Variants in EXOC6 observed in about 807,000 individuals in gnomAD.
EXOC6 encodes exocyst complex component 6.
Under a neutral mutation model 112.5 loss-of-function variants are expected in EXOC6, and 60 were observed. The observed-to-expected ratio is 0.53, with a 90% CI of 0.43 to 0.66. The LOEUF (loss-of-function observed/expected upper bound fraction) is 0.66, where lower values mean the gene tolerates loss of function less well. Ranked by LOEUF, EXOC6 falls within the 30% of genes least tolerant of loss-of-function variation. The pLI is 0.00. For synonymous variants in EXOC6, 295 were observed against 308.0 expected, an observed-to-expected ratio of 0.96 and a Z score of 0.44; for missense variants, 855 against 957.1, an observed-to-expected ratio of 0.89 and a Z score of 1.41.
rs187563047 is a variant in EXOC6 at position 92,983,288 on chromosome 10, C to T, written c.1953+9056C>T. Among the ~76,000 whole-genome samples the T allele has an allele frequency of 3.6e-3, 543 of 152,274 alleles. 2 individuals are homozygous for T. The highest frequency in any genetic ancestry group is 0.014 in the Middle Eastern group (4 of 294). On this transcript the variant is annotated intron_variant, in intron 18 of 21. Coordinates refer to ENST00000260762, the MANE Select transcript of EXOC6 (RefSeq NM_019053.6). ...GTTTGGAATGGAAAATAGACCCTCT[C>T]CTTTCCCTTTCCCCATTTCCACTCC...
chr10:92,848,630 C>T lies in EXOC6; in HGVS notation c.97C>T (p.Leu33Phe), dbSNP rs1847160686. The change falls in exon 1 of 22, where the codon CTC becomes TTC. Residue 33 changes from leucine (L) to phenylalanine (F), a missense_variant. Physicochemically the swap from Leu to Phe is conservative, Grantham distance 22. Around this residue, in one of 2 missense-constraint regions of EXOC6, gnomAD observed 405 missense variants for 393.6 expected, o/e 1.03. Coordinates refer to ENST00000260762, the MANE Select transcript of EXOC6 (RefSeq NM_019053.6). ...CGACACCGCCTGTGTGGGGCCCACC[C>T]TCCGGTAAAGATCTCATCCCACCGG... ...STDTACVGPT[L>F]RSVYDDQPNA... 1 of 1,423,014 alleles carries T rather than the reference C, an allele frequency of 7.0e-7. No individual in the cohort carries two copies. Among genetic ancestry groups the T allele is most frequent in the Non-Finnish European group, 9.3e-7 (1 of 1,069,794 alleles). The allele number at this position is 1,423,014 out of a possible 1,614,324, so 88.1% of individuals were successfully genotyped here.
intron 6 of EXOC6, among the ~76,000 whole-genome samples, chr10:92,913,126 TC>T (rs1293359215): frequency 6.6e-6 from 1 of 152,158 alleles, no homozygotes; most frequent in Non-Finnish European, 1.5e-5. Context: ...CATCTTTTAT[TC>T]CATAGCAATA....
chr10:93,025,940 C>T (rs985966084), intron 20 of EXOC6, among the ~76,000 whole-genome samples: 3 of 152,182 alleles, frequency 2.0e-5, no homozygotes, highest in African/African-American at 7.2e-5. Flanking sequence ...ACTATCATGA[C>T]TTTTAACACC....
At chr10:93,001,625 T>C (rs907648543) in intron 19 of EXOC6, among the ~76,000 whole-genome samples, 7 of 152,210 alleles carry the variant, frequency 4.6e-5, no homozygotes, top group African/African-American at 1.7e-4. Flanking sequence ...CCATCTGGAC[T>C]TGGCCCCTAC....
intron 1 of EXOC6, among the ~76,000 whole-genome samples, chr10:92,891,698 T>A (rs1475879135): frequency 6.6e-6 from 1 of 152,140 alleles, no homozygotes; most frequent in Non-Finnish European, 1.5e-5. Context: ...GCCAGGCTAG[T>A]CTCAAACTCC....
intron 4 of EXOC6, among the ~76,000 whole-genome samples, chr10:92,897,253 C>T (rs1466640453): frequency 1.3e-5 from 2 of 152,194 alleles, no homozygotes; most frequent in Non-Finnish European, 2.9e-5. Flanking sequence ...GTTTTTAAGG[C>T]TAGGCCGCAA....
At chr10:93,000,716 A>G (rs1229430055) in intron 19 of EXOC6, among the ~76,000 whole-genome samples, 3 of 152,186 alleles carry the variant, frequency 2.0e-5, no homozygotes, top group African/African-American at 7.2e-5. Context: ...GAATACAGTA[A>G]CATGCATTTA....
intron 13 of EXOC6, among the ~76,000 whole-genome samples, chr10:92,947,627 A>G (rs1427510600): frequency 6.6e-6 from 1 of 152,218 alleles, no homozygotes; most frequent in Non-Finnish European, 1.5e-5. Flanking sequence ...TTATGACAGG[A>G]GGCTGGGCAC....
At chr10:92,922,165 C>T (rs1851481616) in intron 8 of EXOC6, among the ~76,000 whole-genome samples, 2 of 152,032 alleles carry the variant, frequency 1.3e-5, no homozygotes, top group South Asian at 2.1e-4. Context: ...AGCCTGGTCT[C>T]GAACTCCTGA....
chr10:93,048,921 T>C (rs1257695491), intron 20 of EXOC6, among the ~76,000 whole-genome samples: 1 of 152,182 alleles, frequency 6.6e-6, no homozygotes, highest in African/African-American at 2.4e-5. Context: ...CATAAGGTGC[T>C]AATGTTCTTA....
chr10:93,021,910 GT>G (rs1844812564), intron 20 of EXOC6, among the ~76,000 whole-genome samples: 1 of 152,150 alleles, frequency 6.6e-6, no homozygotes, highest in Admixed American at 6.6e-5. Context: ...ATGTTAACTA[GT>G]TTATAATCTC....
chr10:92,935,942 A>G, intron 12 of EXOC6, 57 bp downstream of exon 12: 3 of 1,097,458 alleles, frequency 2.7e-6, no homozygotes, highest in South Asian at 1.3e-5. Context: ...CATACAAAAT[A>G]TAGGCTATAC....
intron 18 of EXOC6, among the ~76,000 whole-genome samples, chr10:92,991,974 G>A (rs1843282576): frequency 6.6e-6 from 1 of 152,060 alleles, no homozygotes; most frequent in African/African-American, 2.4e-5. Flanking sequence ...GTGTAAAGAG[G>A]TATTTGGGGG....
chr10:92,848,940 G>T (rs1025897763), intron 1 of EXOC6, among the ~76,000 whole-genome samples: 4 of 152,142 alleles, frequency 2.6e-5, no homozygotes, highest in African/African-American at 9.7e-5. Flanking sequence ...TTCTCCTCCT[G>T]GCTGCGGCCC....
intron 1 of EXOC6, among the ~76,000 whole-genome samples, chr10:92,857,797 G>A (rs1847677243): frequency 6.6e-6 from 1 of 152,076 alleles, no homozygotes; most frequent in Admixed American, 6.5e-5. Context: ...GTGTCTGTGT[G>A]TGTCTGGTCT....
At chr10:92,909,695 G>T in intron 6 of EXOC6, 64 bp downstream of exon 6, 7 of 966,118 alleles carry the variant, frequency 7.2e-6, no homozygotes, top group Non-Finnish European at 9.1e-6. Context: ...AAATATCCAA[G>T]GTTTACTTCT....
At position 92,991,088 on chromosome 10, in the gene EXOC6, A is replaced by G. The variant is rs188415774; in HGVS notation, c.1954-6386A>G. On this transcript the variant is annotated intron_variant, in intron 18 of 21. Coordinates refer to ENST00000260762, the MANE Select transcript of EXOC6 (RefSeq NM_019053.6). Reference sequence around the variant, plus strand: ...TTTACTAATTAATGATTATATGTAAACCACTTCTGTTGTCTAAACCATTAG... The same window carrying G: ...TTTACTAATTAATGATTATATGTAAGCCACTTCTGTTGTCTAAACCATTAG... 3.8e-3 allele frequency among the ~76,000 whole-genome samples: 578 copies of G among 150,794 alleles called. 20 individuals are homozygous for G. Among genetic ancestry groups the G allele is most frequent in the Non-Finnish European group, 6.8e-4 (46 of 67,828 alleles).
chr10:93,049,915 G>A (rs1377617390), intron 20 of EXOC6, among the ~76,000 whole-genome samples: 1 of 152,150 alleles, frequency 6.6e-6, no homozygotes, highest in Non-Finnish European at 1.5e-5. Context: ...GATTGCTAAT[G>A]GCTATGGGGT....
intron 18 of EXOC6, among the ~76,000 whole-genome samples, chr10:92,974,809 C>A (rs1842443968): frequency 6.6e-6 from 1 of 152,188 alleles, no homozygotes; most frequent in South Asian, 2.1e-4. Flanking sequence ...CGCGAGTGAT[C>A]CGCCAGCCTC....
Sources: gnomAD v4.1 joint callset for allele counts (sites outside exome capture counted in the v4.1 genomes callset) on GRCh38, gnomAD v4.1.1 for gene constraint, gnomAD v4.1.1 regional missense constraint, MANE v1.5 for transcripts, NCBI Gene and HGNC (gene_info 2026-07-23, HGNC 2026-07-21) for gene names.